FRMD5: variants seen among roughly 807,000 people sequenced by gnomAD.
FRMD5 encodes FERM domain containing 5.
In FRMD5, 20 loss-of-function variants were observed where a neutral mutation model predicts 69.0. That is an observed-to-expected ratio of 0.29 (90% CI 0.20 to 0.42). The LOEUF is 0.42. Ranked by LOEUF, FRMD5 falls within the 10% of genes least tolerant of loss-of-function variation. The probability of loss-of-function intolerance (pLI) is 1.00; values close to 1 mark genes in which losing one functional copy is unlikely to be tolerated. For missense variants in FRMD5, 595 were observed against 708.6 expected, an observed-to-expected ratio of 0.84 and a Z score of 1.82; for synonymous variants, 271 against 260.1, an observed-to-expected ratio of 1.04 and a Z score of -0.40.
intron 1 of FRMD5, among the ~76,000 whole-genome samples, chr15:43,968,255 T>C (rs1566868781): frequency 6.6e-6 from 1 of 152,138 alleles, no homozygotes; most frequent in East Asian, 1.9e-4. Context: ...CATGTCATAA[T>C]CCTTTTAAAT....
intron 1 of FRMD5, among the ~76,000 whole-genome samples, chr15:44,013,859 T>A (rs1021383098): frequency 1.4e-4 from 21 of 146,976 alleles, no homozygotes; most frequent in African/African-American, 5.2e-4. Context: ...GACACCTTCT[T>A]TTTTTTTTTT....
intron 1 of FRMD5, among the ~76,000 whole-genome samples, chr15:44,093,865 C>T (rs1157580224): frequency 6.6e-6 from 1 of 152,106 alleles, no homozygotes; most frequent in Non-Finnish European, 1.5e-5. Context: ...ATCCACCACG[C>T]CCGGCCCCTA....
At chr15:43,940,503 T>C (rs1321125054) in intron 1 of FRMD5, among the ~76,000 whole-genome samples, 1 of 152,134 alleles carries the variant, frequency 6.6e-6, no homozygotes, top group Non-Finnish European at 1.5e-5. Context: ...ACAGGGGTAG[T>C]TTGGTGGGAG....
intron 1 of FRMD5, among the ~76,000 whole-genome samples, chr15:44,155,835 T>A (rs1266278231): frequency 6.6e-6 from 1 of 151,986 alleles, no homozygotes; most frequent in African/African-American, 2.4e-5. Context: ...CCTCAAGTGA[T>A]CCGCCCGCCT....
chr15:44,063,629 T>C, intron 1 of FRMD5: 1 of 506,856 alleles, frequency 2.0e-6, no homozygotes, highest in South Asian at 1.5e-5. Flanking sequence ...TTTGTTGACC[T>C]CAACTACATG....
At chr15:44,195,368 AC>A (rs1465994286), upstream of FRMD5, 2 of 419,306 alleles carry the variant, frequency 4.8e-6, no homozygotes, top group Non-Finnish European at 8.5e-6. Context: ...CGAGTGGCAG[AC>A]CGAAAAGCCA....
chr15:44,048,981 T>C (rs1184542187), intron 1 of FRMD5, among the ~76,000 whole-genome samples: 1 of 152,226 alleles, frequency 6.6e-6, no homozygotes, highest in Non-Finnish European at 1.5e-5. Flanking sequence ...GCATGCATTA[T>C]TGCTGTTGCC....
intron 1 of FRMD5, among the ~76,000 whole-genome samples, chr15:43,952,000 CTGTGTGTG>C (rs367759637): frequency 0.017 from 2,163 of 123,738 alleles, 33 homozygotes; most frequent in South Asian, 0.046. Flanking sequence ...GTGTGTGTGT[CTGTGTGTG>C]TGTGTGTGTG....
chr15:44,150,440 A>C (rs79896687), intron 1 of FRMD5, among the ~76,000 whole-genome samples: 2 of 151,622 alleles, frequency 1.3e-5, no homozygotes, highest in Non-Finnish European at 2.9e-5. Context: ...AAAAAAAAAA[A>C]CCTGCTACAA....
intron 1 of FRMD5, among the ~76,000 whole-genome samples, chr15:44,097,322 A>G (rs1192537248): frequency 6.6e-6 from 1 of 152,228 alleles, no homozygotes; most frequent in African/African-American, 2.4e-5. Flanking sequence ...AAAATTCTGA[A>G]GTGCCTTTAG....
chr15:44,059,733 T>G (rs1473974176), intron 1 of FRMD5, among the ~76,000 whole-genome samples: 1 of 151,988 alleles, frequency 6.6e-6, no homozygotes, highest in Non-Finnish European at 1.5e-5. Flanking sequence ...GCCAGAATGG[T>G]CTCTATCTCC....
chr15:44,036,804 A>G (rs906593806), intron 1 of FRMD5, among the ~76,000 whole-genome samples: 1 of 152,156 alleles, frequency 6.6e-6, no homozygotes, highest in African/African-American at 2.4e-5. Flanking sequence ...AGTGGTAAAG[A>G]AGCAGTGCTG....
upstream of FRMD5, among the ~76,000 whole-genome samples, chr15:44,198,502 A>G (rs76209737): frequency 2.3e-3 from 349 of 152,282 alleles, 8 homozygotes; most frequent in East Asian, 0.058. Context: ...TGAAAAAATA[A>G]TGGAAGAAAA....
At chr15:44,094,183 G>A (rs1159660295) in intron 1 of FRMD5, among the ~76,000 whole-genome samples, 1 of 152,162 alleles carries the variant, frequency 6.6e-6, no homozygotes. Context: ...AGTTACTCAG[G>A]TACTGCAGCT....
chr15:44,087,142 C>T (rs923353425), intron 1 of FRMD5, among the ~76,000 whole-genome samples: 1 of 152,142 alleles, frequency 6.6e-6, no homozygotes, highest in Admixed American at 6.5e-5. Flanking sequence ...CCTCAGCCTT[C>T]CAAGTAGCTG....
chr15:44,028,490 TCCA>T (rs1352703825), intron 1 of FRMD5, among the ~76,000 whole-genome samples: 2 of 152,238 alleles, frequency 1.3e-5, no homozygotes, highest in African/African-American at 4.8e-5. Context: ...TCAGGCAGCC[TCCA>T]CCACAACATG....
At chr15:44,144,979 C>G (rs183073819) in intron 1 of FRMD5, among the ~76,000 whole-genome samples, 6 of 152,304 alleles carry the variant, frequency 3.9e-5, no homozygotes, top group Non-Finnish European at 5.9e-5. Flanking sequence ...CATAGAGTTA[C>G]TAATGAATTT....
intron 10 of FRMD5, 88 bp downstream of exon 10, chr15:43,888,087 C>T (rs1180995367): frequency 4.9e-6 from 5 of 1,025,426 alleles, no homozygotes; most frequent in Non-Finnish European, 3.0e-6. Flanking sequence ...TACCCCGCCC[C>T]AAGTTCCTGG....
intron 1 of FRMD5, among the ~76,000 whole-genome samples, chr15:44,163,714 A>G (rs1305672090): frequency 2.6e-5 from 4 of 152,324 alleles, no homozygotes; most frequent in African/African-American, 9.6e-5. Flanking sequence ...TCTTTACCAG[A>G]CTTAAAAGGG....
Sources: allele counts gnomAD v4.1 joint callset (sites outside exome capture counted in the v4.1 genomes callset), GRCh38; gene constraint gnomAD v4.1.1; transcripts MANE v1.5; gene names NCBI Gene and HGNC (gene_info 2026-07-23, HGNC 2026-07-21).